Variants in OGDH observed in about 807,000 individuals in gnomAD.
OGDH encodes 2-oxoglutarate dehydrogenase complex component E1.
A neutral mutation model predicts 116.6 loss-of-function variants in OGDH; 38 were observed. The ratio of observed to expected loss-of-function variants is 0.33; its 90% CI spans 0.25 to 0.43. The LOEUF (loss-of-function observed/expected upper bound fraction) is 0.43, where lower values mean the gene tolerates loss of function less well. Ranked by LOEUF, OGDH falls within the 20% of genes least tolerant of loss-of-function variation. OGDH has a pLI of 1.00. For synonymous variants in OGDH, 488 were observed against 533.3 expected (o/e 0.92, Z 1.17); for missense variants, 825 against 1,357.2 (o/e 0.61, Z 6.16).
intron 9 of OGDH, 47 bp from the exon 10 acceptor site, chr7:44,681,673 T>G (rs779073611): frequency 3.8e-5 from 60 of 1,585,636 alleles, no homozygotes; most frequent in Non-Finnish European, 4.6e-5. Flanking sequence ...CTTGTGGACT[T>G]GGCAATCAGA....
chr7:44,699,449 A>AT (rs1788733691), intron 18 of OGDH, among the ~76,000 whole-genome samples: 1 of 146,474 alleles, frequency 6.8e-6, no homozygotes, highest in South Asian at 2.2e-4. Flanking sequence ...AAAAAAAAAA[A>AT]CTCAAAGAAA....
At chr7:44,676,333 A>T (rs994548329) in intron 9 of OGDH, 184 bp downstream of exon 9, 4 of 1,364,848 alleles carry the variant, frequency 2.9e-6, no homozygotes, top group African/African-American at 1.5e-5. Flanking sequence ...AGGTGGGCAG[A>T]TCACCTGAGT....
chr7:44,703,281 T>G (rs1305312036), intron 20 of OGDH, among the ~76,000 whole-genome samples: 1 of 151,866 alleles, frequency 6.6e-6, no homozygotes, highest in Non-Finnish European at 1.5e-5. Context: ...CAGGGTGTGG[T>G]GGTGCACGCC....
At chr7:44,669,140 G>C (rs970987470) in intron 5 of OGDH, among the ~76,000 whole-genome samples, 2 of 115,810 alleles carry the variant, frequency 1.7e-5, no homozygotes, top group Non-Finnish European at 3.3e-5. Context: ...TGGGGAGCCC[G>C]GCAGCTTTTT....
chr7:44,622,714 G>A (rs1785050267), intron 1 of OGDH: 2 of 152,152 alleles, frequency 1.3e-5, no homozygotes, highest in Non-Finnish European at 2.9e-5. Context: ...GTGTGGACAT[G>A]GAGTGTAGTT....
intron 2 of OGDH, among the ~76,000 whole-genome samples, chr7:44,641,225 C>CT (rs1175522868): frequency 0.017 from 1,353 of 81,520 alleles, 14 homozygotes; most frequent in South Asian, 0.04. Flanking sequence ...TTTTTTTTTT[C>CT]TTTTTTTTTT....
At chr7:44,644,068 G>A (rs911066898) in intron 2 of OGDH, among the ~76,000 whole-genome samples, 1 of 152,152 alleles carries the variant, frequency 6.6e-6, no homozygotes, top group Non-Finnish European at 1.5e-5. Flanking sequence ...TTATAAGCCT[G>A]GTGGCGTGCT....
chr7:44,701,852 A>G (rs551564165), intron 20 of OGDH, among the ~76,000 whole-genome samples: 2 of 152,244 alleles, frequency 1.3e-5, no homozygotes, highest in Admixed American at 1.3e-4. Context: ...AGGGCAGATC[A>G]CCTGAGGTCG....
chr7:44,679,809 C>G (rs925964034), intron 9 of OGDH, among the ~76,000 whole-genome samples: 2 of 152,156 alleles, frequency 1.3e-5, no homozygotes, highest in African/African-American at 4.8e-5. Context: ...AGGAATTCTG[C>G]CTCCAGACAG....
Position 44,707,701 on chromosome 7 carries a change from A to G in OGDH, c.2916A>G (p.Arg972=), listed in dbSNP as rs767802685. ...GCTACTATGACTACGTGAAGCCAAG[A>G]CTTCGGACCACCATCAGCCGCGCCA... ...NQGYYDYVKP[R]LRTTISRAKP... The change falls in exon 22 of 23, where the codon AGA becomes AGG. Residue 972 remains arginine, a synonymous_variant. Transcript: ENST00000222673. This position sits in a 1 kb window ranked among gnomAD's most constrained non-coding sequence, Gnocchi z 5.2. 24 of 1,614,128 alleles carry G rather than the reference A, an allele frequency of 1.5e-5. No individual in the cohort carries two copies. In the South Asian group the frequency reaches 2.6e-4, roughly 18 times the overall value.
intron 2 of OGDH, among the ~76,000 whole-genome samples, chr7:44,640,596 G>A (rs968099404): frequency 3.3e-5 from 5 of 152,210 alleles, no homozygotes; most frequent in Admixed American, 2.6e-4. Flanking sequence ...TACAGCTGGA[G>A]AGACTCTTGA....
At chr7:44,665,201 G>T (rs747196527) in intron 4 of OGDH, among the ~76,000 whole-genome samples, 1 of 150,818 alleles carries the variant, frequency 6.6e-6, no homozygotes, top group African/African-American at 2.4e-5. Flanking sequence ...AGTGGTTGCT[G>T]TGCCCTCAGT....
intron 4 of OGDH, among the ~76,000 whole-genome samples, chr7:44,654,568 A>G (rs1340675972): frequency 1.3e-5 from 2 of 152,338 alleles, no homozygotes; most frequent in Admixed American, 6.5e-5. Context: ...ATTGATTGCT[A>G]TGTGCAGCGT....
chr7:44,686,757 C>T (rs1440041850), intron 10 of OGDH, among the ~76,000 whole-genome samples: 9 of 145,992 alleles, frequency 6.2e-5, no homozygotes, highest in African/African-American at 1.8e-4. Flanking sequence ...GGCATGATCT[C>T]GGCTCACTGT....
At chr7:44,617,925 T>G (rs540921912) in intron 1 of OGDH, among the ~76,000 whole-genome samples, 1 of 152,304 alleles carries the variant, frequency 6.6e-6, no homozygotes, top group Non-Finnish European at 1.5e-5. Flanking sequence ...GTAGTTGGTT[T>G]ATTTCCCTCA....
intron 9 of OGDH, among the ~76,000 whole-genome samples, chr7:44,681,264 C>T (rs142603429): frequency 6.6e-6 from 1 of 152,192 alleles, no homozygotes; most frequent in African/African-American, 2.4e-5. Flanking sequence ...TGACCTGATG[C>T]AGTATGTCCT....
intron 2 of OGDH, among the ~76,000 whole-genome samples, chr7:44,628,034 G>A (rs1180293192): frequency 6.6e-6 from 1 of 152,192 alleles, no homozygotes; most frequent in Admixed American, 6.5e-5. Flanking sequence ...TAACAGTAGA[G>A]AGAAGAGTAG....
intron 6 of OGDH, 110 bp downstream of exon 6, chr7:44,674,051 G>A: frequency 7.6e-7 from 1 of 1,315,738 alleles, no homozygotes; most frequent in Non-Finnish European, 1.1e-6. Flanking sequence ...GAGGGGGTTT[G>A]GGGTGGTACA....
At chr7:44,653,132 C>A (rs746405678) in intron 4 of OGDH, among the ~76,000 whole-genome samples, 5 of 151,872 alleles carry the variant, frequency 3.3e-5, no homozygotes, top group African/African-American at 7.3e-5. Context: ...CTTACTCTGT[C>A]GCCCAGGCTG....
Sources: allele counts gnomAD v4.1 joint callset (sites outside exome capture counted in the v4.1 genomes callset), GRCh38; gene constraint gnomAD v4.1.1; non-coding constraint Gnocchi (gnomAD v3.1); transcripts MANE v1.5; gene names NCBI Gene and HGNC (gene_info 2026-07-23, HGNC 2026-07-21).